Variants in GPC5 observed in about 807,000 individuals in gnomAD.
GPC5 encodes the protein glypican 5, also known as glypican-5.
A neutral mutation model predicts 53.9 loss-of-function variants in GPC5; 47 were observed. That is an observed-to-expected ratio of 0.87 (90% CI 0.69 to 1.11). The LOEUF is 1.11. GPC5 is among the 50% of genes most tolerant of loss of function. The pLI, the probability that GPC5 is intolerant of heterozygous loss-of-function variation, is 0.00. For missense variants in GPC5, 748 were observed against 713.1 expected, an observed-to-expected ratio of 1.05 and a Z score of -0.56; for synonymous variants, 286 against 263.3, an observed-to-expected ratio of 1.09 and a Z score of -0.84.
At chr13:92,134,816 A>G (rs1260355056) in intron 6 of GPC5, among the ~76,000 whole-genome samples, 1 of 152,012 alleles carries the variant, frequency 6.6e-6, no homozygotes, top group Admixed American at 6.6e-5. Context: ...CCTCCCACAT[A>G]TACATTTTCG....
chr13:92,226,802 G>A (rs2042490242), intron 7 of GPC5, among the ~76,000 whole-genome samples: 1 of 148,538 alleles, frequency 6.7e-6, no homozygotes, highest in African/African-American at 2.5e-5. Context: ...TTTTCACTAT[G>A]TTGGCCAGGC....
chr13:92,431,141 A>G (rs545496998), intron 7 of GPC5, among the ~76,000 whole-genome samples: 206 of 152,298 alleles, frequency 1.4e-3, no homozygotes, highest in Non-Finnish European at 2.1e-3. Context: ...CAGAGTGTCA[A>G]TCAGTCAACA....
At chr13:92,337,131 T>C (rs1348574341) in intron 7 of GPC5, among the ~76,000 whole-genome samples, 2 of 151,708 alleles carry the variant, frequency 1.3e-5, no homozygotes, top group Non-Finnish European at 2.9e-5. Flanking sequence ...CCTTCCTGTA[T>C]AGCTCTAGTG....
intron 6 of GPC5, among the ~76,000 whole-genome samples, chr13:92,098,079 G>A (rs1454904800): frequency 6.6e-6 from 1 of 152,122 alleles, no homozygotes; most frequent in Admixed American, 6.6e-5. Flanking sequence ...CATGTCACCA[G>A]GGTTTGTTGT....
intron 7 of GPC5, among the ~76,000 whole-genome samples, chr13:92,791,432 G>T (rs528353098): frequency 6.7e-6 from 1 of 149,618 alleles, no homozygotes; most frequent in East Asian, 2.1e-4. Context: ...TGTGGGGGGG[G>T]GCGGGGGAGT....
intron 6 of GPC5, among the ~76,000 whole-genome samples, chr13:92,093,433 C>T (rs1232449733): frequency 6.6e-6 from 1 of 151,964 alleles, no homozygotes; most frequent in Non-Finnish European, 1.5e-5. Flanking sequence ...TGTATATCTA[C>T]ATGTATATAA....
chr13:92,452,658 C>T (rs973680770), intron 7 of GPC5, among the ~76,000 whole-genome samples: 6 of 152,230 alleles, frequency 3.9e-5, no homozygotes, highest in Admixed American at 6.5e-5. Flanking sequence ...ACCTCTGCCT[C>T]CCAGGTTCAA....
Position 91,448,923 on chromosome 13 carries a change from G to T in GPC5, c.325+1G>T. ...TCTCGAAATGCGGCTGCTTTTCAAG[G>T]TAAGTGGATCTTGAATTCTGCAACT... On this transcript the variant is annotated splice_donor_variant, in intron 2 of 7. Transcript: ENST00000377067. LOFTEE classifies it high-confidence loss of function. 1 of 1,611,880 alleles carries T rather than the reference G, an allele frequency of 6.2e-7. No homozygotes were observed. Among genetic ancestry groups the T allele is most frequent in the Non-Finnish European group, 8.5e-7 (1 of 1,178,958 alleles).
At chr13:92,366,664 A>G (rs1345945220) in intron 7 of GPC5, among the ~76,000 whole-genome samples, 3 of 152,258 alleles carry the variant, frequency 2.0e-5, no homozygotes, top group Non-Finnish European at 4.4e-5. Context: ...GAGCATTTAC[A>G]GCTACGGCTG....
chr13:91,906,751 T>G (rs528373287), intron 5 of GPC5, among the ~76,000 whole-genome samples: 1 of 151,964 alleles, frequency 6.6e-6, no homozygotes. Context: ...TGACATTATA[T>G]GATTGTAATT....
intron 6 of GPC5, among the ~76,000 whole-genome samples, chr13:92,080,270 T>G (rs2138879263): frequency 6.6e-6 from 1 of 152,266 alleles, no homozygotes; most frequent in Admixed American, 6.5e-5. Flanking sequence ...CATCCTCTTC[T>G]TGGATGGTCC....
chr13:92,012,814 GC>G (rs2040673704), intron 6 of GPC5, among the ~76,000 whole-genome samples: 1 of 152,092 alleles, frequency 6.6e-6, no homozygotes, highest in African/African-American at 2.4e-5. Context: ...ATTTCTCTTG[GC>G]CCCTTTGTCA....
chr13:92,231,433 CTAATTGTTTGGAGGACACCTG>C (rs1173583423), intron 7 of GPC5, among the ~76,000 whole-genome samples: 1 of 151,982 alleles, frequency 6.6e-6, no homozygotes, highest in Non-Finnish European at 1.5e-5. Context: ...CTAATTAGTC[CTAATTGTTTGGAGGACACCTG>C]TCAGTCCACT....
At chr13:91,870,348 C>T (rs1226425795) in intron 5 of GPC5, among the ~76,000 whole-genome samples, 1 of 152,116 alleles carries the variant, frequency 6.6e-6, no homozygotes, top group African/African-American at 2.4e-5. Flanking sequence ...TTTATCACTC[C>T]TGAGGGTTGT....
intron 2 of GPC5, among the ~76,000 whole-genome samples, chr13:91,458,487 A>G (rs115088142): frequency 1.8e-3 from 274 of 152,284 alleles, no homozygotes; most frequent in African/African-American, 6.3e-3. Context: ...ACAAATGATG[A>G]ACAAACATGA....
At position 91,799,127 on chromosome 13, in the gene GPC5, T is replaced by C. The variant is rs371663154; in HGVS notation, c.1280+42707T>C. 5.9e-5 allele frequency among the ~76,000 whole-genome samples: 9 copies of C among 152,340 alleles called. No individual in the cohort carries two copies. In the East Asian group the frequency reaches 1.2e-3, roughly 20 times the overall value. On this transcript the variant is annotated intron_variant, in intron 5 of 7. Transcript: ENST00000377067. ...ACTGGATAAGAAAATGTGGCACATA[T>C]GCACCATGGAATATTATGCAGCCAT... is the stretch of plus-strand genomic sequence containing the variant.
At chr13:92,599,814 T>C (rs1469190482) in intron 7 of GPC5, among the ~76,000 whole-genome samples, 2 of 6,914 alleles carry the variant, frequency 2.9e-4, no homozygotes, top group Admixed American at 5.4e-3. Context: ...ACTTTTTTTT[T>C]GTAAAAAAAA....
rs190895895 is a variant in GPC5, at chr13:92,192,952, G to A, written c.1561+47963G>A. Among the ~76,000 whole-genome samples the A allele has an allele frequency of 6.8e-4, 103 of 152,146 alleles. No individual in the cohort carries two copies. In the Middle Eastern group the frequency reaches 0.01, roughly 15 times the overall value. ...AGCACTTTGGGAGGTCAAGGCGGGC[G>A]GATCACAAGGTCAGGAGTTTGAGAC... is the stretch of plus-strand genomic sequence containing the variant. On this transcript the variant is annotated intron_variant, in intron 7 of 7. Transcript: ENST00000377067.
intron 6 of GPC5, among the ~76,000 whole-genome samples, chr13:92,054,071 A>ATAAATAAG (rs1177083247): frequency 1.5e-5 from 2 of 136,356 alleles, no homozygotes; most frequent in Non-Finnish European, 3.2e-5. Flanking sequence ...AAATAAATAA[A>ATAAATAAG]TAAGATTTCA....
Sources: allele counts gnomAD v4.1 joint callset (sites outside exome capture counted in the v4.1 genomes callset), GRCh38; gene constraint gnomAD v4.1.1; transcripts MANE v1.5; gene names NCBI Gene and HGNC (gene_info 2026-07-23, HGNC 2026-07-21).